The following SLC4A10 variants were observed in gnomAD, a reference collection of about 807,000 sequenced individuals.
SLC4A10 encodes sodium-driven chloride bicarbonate exchanger.
A neutral mutation model predicts 137.7 loss-of-function variants in SLC4A10; 42 were observed. The ratio of observed to expected loss-of-function variants is 0.30; its 90% confidence interval spans 0.24 to 0.39. The LOEUF (loss-of-function observed/expected upper bound fraction) is 0.39, where lower values mean the gene tolerates loss of function less well. SLC4A10 is among the 10% of genes least tolerant of loss of function. The pLI is 1.00. For synonymous variants in SLC4A10, 474 were observed against 464.1 expected (o/e 1.02, Z -0.27); for missense variants, 925 against 1,355.0 (o/e 0.68, Z 4.98).
intron 4 of SLC4A10, among the ~76,000 whole-genome samples, chr2:161,850,784 C>T (rs1003076037): frequency 1.3e-5 from 2 of 151,898 alleles, no homozygotes; most frequent in African/African-American, 4.8e-5. Flanking sequence ...TTTTCAAATT[C>T]CTTCAAGTGT....
intron 4 of SLC4A10, among the ~76,000 whole-genome samples, chr2:161,841,244 A>C (rs945331408): frequency 1.3e-5 from 2 of 151,704 alleles, no homozygotes; most frequent in Admixed American, 1.3e-4. Flanking sequence ...CGCCCAGCTA[A>C]TTTTTGTATT....
At chr2:161,638,515 T>C (rs1347486360) in intron 1 of SLC4A10, among the ~76,000 whole-genome samples, 1 of 152,114 alleles carries the variant, frequency 6.6e-6, no homozygotes, top group African/African-American at 2.4e-5. Context: ...CCATGATAGT[T>C]TGGTTACTAT....
chr2:161,717,025 G>A (rs945256829), intron 1 of SLC4A10, among the ~76,000 whole-genome samples: 2 of 152,018 alleles, frequency 1.3e-5, no homozygotes, highest in East Asian at 3.9e-4. Flanking sequence ...TTCCTTGTTA[G>A]CTGTATTCTA....
chr2:161,934,266 C>A (rs1206873824), intron 15 of SLC4A10, among the ~76,000 whole-genome samples: 1 of 152,068 alleles, frequency 6.6e-6, no homozygotes, highest in Non-Finnish European at 1.5e-5. Context: ...TTCATTCTAC[C>A]TAACTATATT....
At chr2:161,733,260 G>C (rs796182323) in intron 1 of SLC4A10, among the ~76,000 whole-genome samples, 3 of 152,262 alleles carry the variant, frequency 2.0e-5, no homozygotes, top group Admixed American at 6.5e-5. Flanking sequence ...AAGTGGTTTC[G>C]TGGGCTGTCC....
intron 1 of SLC4A10, among the ~76,000 whole-genome samples, chr2:161,690,954 T>A (rs1314456900): frequency 6.6e-6 from 1 of 151,892 alleles, no homozygotes; most frequent in Non-Finnish European, 1.5e-5. Context: ...AGTAAAATAA[T>A]ATTAAATTAA....
At chr2:161,767,298 G>A (rs1220721467) in intron 1 of SLC4A10, among the ~76,000 whole-genome samples, 1 of 145,572 alleles carries the variant, frequency 6.9e-6, no homozygotes, top group Non-Finnish European at 1.5e-5. Context: ...ACTTTATTCG[G>A]TATAAAACAT....
chr2:161,686,040 G>C (rs937114415), intron 1 of SLC4A10, among the ~76,000 whole-genome samples: 2 of 152,134 alleles, frequency 1.3e-5, no homozygotes, highest in Non-Finnish European at 2.9e-5. Flanking sequence ...AGTGGAGCAA[G>C]GAAAATCAGA....
At chr2:161,668,320 A>G (rs1558987418) in intron 1 of SLC4A10, among the ~76,000 whole-genome samples, 1 of 151,838 alleles carries the variant, frequency 6.6e-6, no homozygotes, top group Non-Finnish European at 1.5e-5. Flanking sequence ...AGAAGAGAGA[A>G]TGCCTAGAGG....
At chr2:161,669,477 A>G (rs193290655) in intron 1 of SLC4A10, among the ~76,000 whole-genome samples, 149 of 152,098 alleles carry the variant, frequency 9.8e-4, no homozygotes, top group African/African-American at 3.2e-3. Flanking sequence ...TCCAAGCAGA[A>G]TAATTTCATA....
At chr2:161,915,136 G>A (rs1686834817) in intron 15 of SLC4A10, among the ~76,000 whole-genome samples, 1 of 152,012 alleles carries the variant, frequency 6.6e-6, no homozygotes, top group African/African-American at 2.4e-5. Flanking sequence ...TAGACGTCAG[G>A]GAGAGGCAAC....
intron 1 of SLC4A10, among the ~76,000 whole-genome samples, chr2:161,724,735 T>C (rs928750110): frequency 4.6e-5 from 7 of 152,198 alleles, no homozygotes; most frequent in African/African-American, 7.2e-5. Flanking sequence ...CATTGCCCCC[T>C]CATTTATGTT....
chr2:161,816,098 TCAACCAAACCCTA>T (rs142541383), intron 3 of SLC4A10, among the ~76,000 whole-genome samples: 9,957 of 152,238 alleles, frequency 0.065, 387 homozygotes, highest in African/African-American at 0.1. Flanking sequence ...CACAGAGACT[TCAACCAAACCCTA>T]AACACCATCC....
chr2:161,810,039 G>A (rs533067414), intron 3 of SLC4A10, among the ~76,000 whole-genome samples: 2 of 151,876 alleles, frequency 1.3e-5, no homozygotes, highest in Non-Finnish European at 2.9e-5. Context: ...TGTTTGTGTT[G>A]TCTCTGATTT....
intron 3 of SLC4A10, among the ~76,000 whole-genome samples, chr2:161,808,578 G>A (rs889488896): frequency 1.5e-4 from 23 of 152,152 alleles, no homozygotes; most frequent in African/African-American, 5.3e-4. Flanking sequence ...CTCCTTCCCT[G>A]CTCTGGTGAT....
In SLC4A10 at chr2:161,882,113, G is replaced by C. The variant is rs193264432; in HGVS notation, c.1107-244G>C. Among the ~76,000 whole-genome samples, 501 of 149,474 alleles carry C rather than the reference G, an allele frequency of 3.4e-3. 2 individuals carry two copies. The highest frequency in any genetic ancestry group is 0.012 in the African/African-American group (474 of 40,852). On this transcript the variant is annotated intron_variant, in intron 9 of 26. Coordinates refer to ENST00000446997, the MANE Select transcript of SLC4A10 (RefSeq NM_001178015.2). ...GCACATGCTGTACAGATAACTAAACGGAGAAACACTGTGATAAAAAAAAAA... is the reference window on the plus strand; with the variant it reads ...GCACATGCTGTACAGATAACTAAACCGAGAAACACTGTGATAAAAAAAAAA...
At chr2:161,888,386 T>A (rs1005566594) in intron 10 of SLC4A10, among the ~76,000 whole-genome samples, 7 of 152,192 alleles carry the variant, frequency 4.6e-5, no homozygotes, top group Non-Finnish European at 7.4e-5. Context: ...CTTTGGGCAG[T>A]ATGGCCATTT....
intron 15 of SLC4A10, among the ~76,000 whole-genome samples, chr2:161,922,698 A>T (rs917055644): frequency 6.6e-6 from 1 of 152,164 alleles, no homozygotes; most frequent in Non-Finnish European, 1.5e-5. Context: ...ACTATGAGAG[A>T]TACCTTTTTC....
At position 161,896,113 on chromosome 2, in the gene SLC4A10, C is replaced by G. The variant is rs181347976; in HGVS notation, c.1341+1288C>G. 6.9e-3 allele frequency among the ~76,000 whole-genome samples: 1,057 copies of G among 152,150 alleles called. 9 individuals are homozygous for G. The highest frequency in any genetic ancestry group is 9.1e-3 in the Admixed American group (139 of 15,260). The stretch of plus-strand genomic sequence containing the variant: ...GCCTGAGGTGTAAGGAAGGGATCCA[C>G]TTTCAGCTTTCTACATATGGCTAGC... On this transcript the variant is annotated intron_variant, in intron 11 of 26. Transcript: ENST00000446997.
Sources: allele counts gnomAD v4.1 joint callset (sites outside exome capture counted in the v4.1 genomes callset), GRCh38; gene constraint gnomAD v4.1.1; transcripts MANE v1.5; gene names NCBI Gene and HGNC (gene_info 2026-07-23, HGNC 2026-07-21).